Variants in LRRC7 observed in about 807,000 individuals in gnomAD.
The protein encoded by LRRC7 is leucine-rich repeat-containing protein 7.
A neutral mutation model predicts 175.7 loss-of-function variants in LRRC7; 23 were observed. The ratio of observed to expected loss-of-function variants is 0.13; its 90% CI spans 0.09 to 0.19. The LOEUF (loss-of-function observed/expected upper bound fraction) is 0.19, where lower values mean the gene tolerates loss of function less well. Ranked by LOEUF, LRRC7 falls within the 10% of genes least tolerant of loss-of-function variation. The pLI, the probability that LRRC7 is intolerant of heterozygous loss-of-function variation, is 1.00. For synonymous variants in LRRC7, 685 were observed against 680.9 expected, an observed-to-expected ratio of 1.01 and a Z score of -0.09; for missense variants, 1,354 against 1,904.7, an observed-to-expected ratio of 0.71 and a Z score of 5.38.
chr1:70,107,188 T>C (rs1006495009), intron 25 of LRRC7, among the ~76,000 whole-genome samples: 5 of 152,254 alleles, frequency 3.3e-5, no homozygotes, highest in South Asian at 4.1e-4. Context: ...TCATAAACTT[T>C]ATTTAAAATG....
chr1:69,693,456 C>T (rs540273085), intron 2 of LRRC7, among the ~76,000 whole-genome samples: 6 of 152,042 alleles, frequency 3.9e-5, no homozygotes, highest in Non-Finnish European at 5.9e-5. Context: ...CAGGATAGGC[C>T]GATAGGCTGG....
chr1:69,883,536 T>G (rs1164943371), intron 7 of LRRC7, among the ~76,000 whole-genome samples: 1 of 101,446 alleles, frequency 9.9e-6, no homozygotes, highest in Non-Finnish European at 2.1e-5. Flanking sequence ...ATGAGTAGGT[T>G]GTGAAAATTT....
intron 26 of LRRC7, among the ~76,000 whole-genome samples, chr1:70,114,811 C>T (rs947779478): frequency 3.3e-5 from 5 of 152,102 alleles, no homozygotes; most frequent in African/African-American, 1.2e-4. Flanking sequence ...TGAGGAAATG[C>T]TTTTTGAAAA....
intron 1 of LRRC7, among the ~76,000 whole-genome samples, chr1:69,609,024 A>G (rs1648262276): frequency 6.6e-6 from 1 of 151,250 alleles, no homozygotes; most frequent in Non-Finnish European, 1.5e-5. Context: ...GCATTTCTCC[A>G]TGGAAAAAAA....
At chr1:69,926,637 C>G (rs1647082826) in intron 7 of LRRC7, among the ~76,000 whole-genome samples, 1 of 151,046 alleles carries the variant, frequency 6.6e-6, no homozygotes, top group African/African-American at 2.4e-5. Flanking sequence ...CAACCCCTGC[C>G]TTTTTTTGTT....
intron 17 of LRRC7, among the ~76,000 whole-genome samples, chr1:70,027,260 A>C (rs192843194): frequency 2.0e-5 from 3 of 152,180 alleles, no homozygotes; most frequent in Non-Finnish European, 4.4e-5. Context: ...TTTAATTTGC[A>C]TGCACAACTT....
At chr1:69,841,347 C>T (rs948625987) in intron 7 of LRRC7, among the ~76,000 whole-genome samples, 1 of 151,968 alleles carries the variant, frequency 6.6e-6, no homozygotes, top group Non-Finnish European at 1.5e-5. Context: ...AAGTGATGTA[C>T]TATGATGTCT....
chr1:69,678,421 C>G lies in LRRC7; in HGVS notation c.43C>G (p.Gln15Glu). The G allele has an allele frequency of 6.2e-7, 1 of 1,605,100 alleles. No individual in the cohort carries two copies. The highest frequency in any genetic ancestry group is 8.5e-7 in the Non-Finnish European group (1 of 1,176,166). Residue 15 changes from glutamine to glutamate, a missense_variant, in exon 2 of 27, where the codon CAG becomes GAG. Coordinates refer to ENST00000651989, the MANE Select transcript of LRRC7 (RefSeq NM_001370785.2). ...AAGGGGAAGGAATCCCCCGCAATACCAGAGAAGTCCTTGTAAAGAGGTTCG... is the reference window on the plus strand; with the variant it reads ...AAGGGGAAGGAATCCCCCGCAATACGAGAGAAGTCCTTGTAAAGAGGTTCG... ...LIRGRNPPQY[Q>E]RSPCKEVRAA...
intron 24 of LRRC7, among the ~76,000 whole-genome samples, chr1:70,081,474 A>C (rs1376374194): frequency 6.6e-6 from 1 of 152,252 alleles, no homozygotes; most frequent in South Asian, 2.1e-4. Context: ...TGATATAGGT[A>C]GAGCAGTTTC....
At chr1:69,845,456 CT>C (rs1192292689) in intron 7 of LRRC7, among the ~76,000 whole-genome samples, 3 of 151,526 alleles carry the variant, frequency 2.0e-5, no homozygotes, top group Non-Finnish European at 2.9e-5. Flanking sequence ...TTCATTTATT[CT>C]TTTTTAATAA....
chr1:69,855,250 C>T (rs1683462463), intron 7 of LRRC7, among the ~76,000 whole-genome samples: 1 of 152,058 alleles, frequency 6.6e-6, no homozygotes, highest in South Asian at 2.1e-4. Context: ...CCTGCTTTGT[C>T]TTGTGGGCAT....
chr1:69,899,494 T>C (rs1312286529), intron 7 of LRRC7, among the ~76,000 whole-genome samples: 1 of 152,186 alleles, frequency 6.6e-6, no homozygotes, highest in Non-Finnish European at 1.5e-5. Flanking sequence ...TCACTGTAAC[T>C]CAGGATTCAG....
chr1:69,591,894 A>G (rs1265913681), intron 1 of LRRC7, among the ~76,000 whole-genome samples: 2 of 151,988 alleles, frequency 1.3e-5, no homozygotes, highest in East Asian at 1.9e-4. Flanking sequence ...TCCCTCCCCC[A>G]TATCATTTCT....
chr1:69,704,118 A>G (rs1663723187), intron 2 of LRRC7, among the ~76,000 whole-genome samples: 1 of 151,812 alleles, frequency 6.6e-6, no homozygotes, highest in South Asian at 2.1e-4. Context: ...GTGCTAAGTC[A>G]CAATAGTTAT....
At position 69,723,347 on chromosome 1, in the gene LRRC7, G is replaced by A. The variant is rs138884791; in HGVS notation, c.101-36844G>A. Among the ~76,000 whole-genome samples the A allele has an allele frequency of 3.6e-3, 541 of 152,102 alleles. 2 individuals carry two copies. The highest frequency in any genetic ancestry group is 0.012 in the African/African-American group (497 of 41,510). On this transcript the variant is annotated intron_variant, in intron 2 of 26. Coordinates refer to ENST00000651989, the MANE Select transcript of LRRC7 (RefSeq NM_001370785.2). ...TCCTAGATAACAGATGTCAATAAAC[G>A]GAAAGCAGCACACCTTCATTTGAGA...
chr1:69,610,412 A>G (rs934793196), intron 1 of LRRC7, among the ~76,000 whole-genome samples: 2 of 151,986 alleles, frequency 1.3e-5, no homozygotes, highest in Non-Finnish European at 2.9e-5. Context: ...AAGATTGGTC[A>G]TTGGGTTCAG....
chr1:69,579,431 T>C (rs930261806), intron 1 of LRRC7, among the ~76,000 whole-genome samples: 8 of 152,170 alleles, frequency 5.3e-5, no homozygotes, highest in African/African-American at 1.9e-4. Flanking sequence ...TCACTTTATA[T>C]TGGTATTTTT....
chr1:69,915,863 G>C (rs1037356573), intron 7 of LRRC7, among the ~76,000 whole-genome samples: 1 of 150,446 alleles, frequency 6.6e-6, no homozygotes, highest in Non-Finnish European at 1.5e-5. Flanking sequence ...AATCATAACA[G>C]TAACCCTATA....
At chr1:69,592,208 A>G (rs1468883019) in intron 1 of LRRC7, among the ~76,000 whole-genome samples, 1 of 152,018 alleles carries the variant, frequency 6.6e-6, no homozygotes, top group Non-Finnish European at 1.5e-5. Context: ...CAACACATGT[A>G]CTGTATCTCT....
Sources: allele counts gnomAD v4.1 joint callset (sites outside exome capture counted in the v4.1 genomes callset), GRCh38; gene constraint gnomAD v4.1.1; transcripts MANE v1.5; gene names NCBI Gene and HGNC (gene_info 2026-07-23, HGNC 2026-07-21).